The following LRP2 variants were observed in gnomAD, a reference collection of about 807,000 sequenced individuals.
LRP2 encodes the protein low-density lipoprotein receptor-related protein 2.
In LRP2, 172 loss-of-function variants were observed where a neutral mutation model predicts 531.0. The observed-to-expected ratio is 0.32, with a 90% CI of 0.29 to 0.37. The LOEUF is 0.37. LRP2 is among the 10% of genes least tolerant of loss of function. The pLI is 1.00. For missense variants in LRP2, 5,167 were observed against 5,868.3 expected (o/e 0.88, Z 3.90); for synonymous variants, 1,992 against 2,027.6 (o/e 0.98, Z 0.47).
At chr2:169,199,976 T>C (rs377164032) in intron 44 of LRP2, among the ~76,000 whole-genome samples, 82 of 152,240 alleles carry the variant, frequency 5.4e-4, no homozygotes, top group Admixed American at 7.2e-4. Context: ...TCTGGCCGGG[T>C]GCAGTGGCTC....
chr2:169,307,673 AG>A (rs1684463245), intron 3 of LRP2, among the ~76,000 whole-genome samples: 1 of 152,216 alleles, frequency 6.6e-6, no homozygotes, highest in Non-Finnish European at 1.5e-5. Context: ...TATGGTAAAA[AG>A]TTTAATGAAA....
chr2:169,285,295 A>T (rs1246679828), intron 9 of LRP2, among the ~76,000 whole-genome samples: 4 of 17,174 alleles, frequency 2.3e-4, no homozygotes, highest in Non-Finnish European at 2.2e-3. Flanking sequence ...CCCTATCACA[A>T]AAAAACAGGA....
intron 9 of LRP2, 81 bp from the exon 10 acceptor site, chr2:169,283,082 T>G: frequency 7.0e-7 from 1 of 1,434,328 alleles, no homozygotes; most frequent in East Asian, 2.3e-5. Flanking sequence ...CTAGATAAGA[T>G]GGCCAAGAAT....
chr2:169,181,671 C>A, intron 51 of LRP2, 53 bp from the exon 52 acceptor site: 3 of 1,493,408 alleles, frequency 2.0e-6, no homozygotes, highest in Non-Finnish European at 2.8e-6. Context: ...AAGTCAGTAG[C>A]CAAAATACAC....
chr2:169,306,134 G>A lies in LRP2; in HGVS notation c.427+1147C>T, dbSNP rs567161471. ...ATGAAATGCAGGACTGCACGAAAAG[G>A]CCTGTCAGAAATATATGTTATATGT... is the stretch of plus-strand genomic sequence containing the variant. On this transcript the variant is annotated intron_variant, in intron 4 of 78. Transcript: ENST00000649046. 9.4e-4 allele frequency among the ~76,000 whole-genome samples: 143 copies of A among 151,952 alleles called. 2 individuals are homozygous for A. In the South Asian group the frequency reaches 0.029, roughly 31 times the overall value.
At chr2:169,307,427 T>A in intron 3 of LRP2, 30 bp from the exon 4 acceptor site, 11 of 1,235,832 alleles carry the variant, frequency 8.9e-6, no homozygotes, top group Non-Finnish European at 1.3e-5. Flanking sequence ...TTACTTAATT[T>A]ATAATTATTG....
intron 6 of LRP2, among the ~76,000 whole-genome samples, chr2:169,292,828 G>GCT: frequency 2.8e-5 from 1 of 35,876 alleles, no homozygotes; most frequent in Non-Finnish European, 4.9e-5. Context: ...GTGAGACCCT[G>GCT]TCTCAAAAAA....
At chr2:169,192,457 T>C (rs923812432) in intron 47 of LRP2, among the ~76,000 whole-genome samples, 8 of 115,482 alleles carry the variant, frequency 6.9e-5, no homozygotes, top group Admixed American at 5.1e-4. Context: ...ATGAGAAAAC[T>C]GAAGCTCAAA....
chr2:169,176,356 C>T (rs1687192913), intron 54 of LRP2, 55 bp downstream of exon 54: 1 of 1,607,102 alleles, frequency 6.2e-7, no homozygotes, highest in African/African-American at 1.3e-5. Context: ...CCTTGAAGGT[C>T]AATGTCTGTC....
At chr2:169,262,763 AC>A (rs1397042241) in intron 16 of LRP2, among the ~76,000 whole-genome samples, 2 of 151,138 alleles carry the variant, frequency 1.3e-5, no homozygotes, top group African/African-American at 2.4e-5. Context: ...CTCATATGGA[AC>A]CAAAAAAGAG....
At chr2:169,203,725 C>A (rs879498539) in intron 42 of LRP2, among the ~76,000 whole-genome samples, 3 of 152,162 alleles carry the variant, frequency 2.0e-5, no homozygotes, top group African/African-American at 4.8e-5. Context: ...CCACTGCACT[C>A]CAGCCTGGGC....
intron 70 of LRP2, among the ~76,000 whole-genome samples, chr2:169,144,043 T>G (rs1488808260): frequency 6.6e-6 from 1 of 152,178 alleles, no homozygotes; most frequent in African/African-American, 2.4e-5. Context: ...AAAATGCAGA[T>G]TCTGATTCAG....
chr2:169,356,859 T>A (rs970833860), intron 1 of LRP2, among the ~76,000 whole-genome samples: 4 of 152,222 alleles, frequency 2.6e-5, no homozygotes, highest in Non-Finnish European at 5.9e-5. Flanking sequence ...AATGAGTCAA[T>A]GACTATTTCA....
intron 1 of LRP2, among the ~76,000 whole-genome samples, chr2:169,326,259 A>G (rs1685055375): frequency 7.1e-6 from 1 of 140,938 alleles, no homozygotes; most frequent in African/African-American, 2.7e-5. Context: ...TCTCCCTCTG[A>G]TGCCGAGCCG....
At chr2:169,360,860 ATTAC>A (rs1279057355) in intron 1 of LRP2, among the ~76,000 whole-genome samples, 1 of 152,130 alleles carries the variant, frequency 6.6e-6, no homozygotes, top group African/African-American at 2.4e-5. Flanking sequence ...TTGCTGTATA[ATTAC>A]TTACTTGATT....
chr2:169,243,879 C>G (rs1689907197), intron 22 of LRP2, among the ~76,000 whole-genome samples: 1 of 152,130 alleles, frequency 6.6e-6, no homozygotes, highest in South Asian at 2.1e-4. Context: ...AATCAGGCAA[C>G]AAAACCAGCA....
At chr2:169,154,305 G>A (rs527464051) in intron 66 of LRP2, among the ~76,000 whole-genome samples, 155 bp downstream of exon 66, 8 of 152,284 alleles carry the variant, frequency 5.3e-5, no homozygotes, top group Admixed American at 1.3e-4. Context: ...TCAAGGCCAC[G>A]CTAAGGCATC....
In LRP2 at chr2:169,182,433, C is replaced by T. The variant is rs116788121; in HGVS notation, c.9846-114G>A. ...AGAATCACAGACAGTTGTTAGAAGT[C>T]ACCTTTCTTCAGGCAAATGAGGGCA... is the stretch of plus-strand genomic sequence containing the variant. On this transcript the variant is annotated intron_variant, in intron 50 of 78. Coordinates refer to ENST00000649046, the MANE Select transcript of LRP2 (RefSeq NM_004525.3). 601 of 1,585,394 alleles carry T rather than the reference C, an allele frequency of 3.8e-4. 4 individuals carry two copies. The African/African-American group carries it at 7.5e-3, about 20-fold the overall frequency.
intron 1 of LRP2, among the ~76,000 whole-genome samples, chr2:169,357,741 T>C (rs954893880): frequency 3.9e-5 from 6 of 152,182 alleles, no homozygotes; most frequent in Non-Finnish European, 1.5e-5. Flanking sequence ...TACATCTAGG[T>C]TCCTGGTATC....
Sources: gnomAD v4.1 joint callset for allele counts (sites outside exome capture counted in the v4.1 genomes callset) on GRCh38, gnomAD v4.1.1 for gene constraint, MANE v1.5 for transcripts, NCBI Gene and HGNC (gene_info 2026-07-23, HGNC 2026-07-21) for gene names.